TUBB8: variants seen among roughly 807,000 people sequenced by gnomAD.
TUBB8 encodes the protein tubulin beta 8 class VIII, also known as tubulin beta-8 chain.
A neutral mutation model predicts 33.7 loss-of-function variants in TUBB8; 25 were observed. The observed-to-expected ratio is 0.74, with a 90% confidence interval of 0.54 to 1.04. The LOEUF (loss-of-function observed/expected upper bound fraction) is 1.04. Ranked by LOEUF, TUBB8 falls within the 50% of genes least tolerant of loss-of-function variation. The probability of loss-of-function intolerance (pLI) is 0.00; values close to 1 mark genes in which losing one functional copy is unlikely to be tolerated. For missense variants in TUBB8, 279 were observed against 608.0 expected (o/e 0.46, Z 5.69); for synonymous variants, 245 against 240.1 (o/e 1.02, Z -0.19).
Position 48,614 on chromosome 10 carries a change from C to T in TUBB8, c.277+1G>A. The T allele has an allele frequency of 1.9e-6, 3 of 1,612,222 alleles. No individual in the cohort carries two copies. Among genetic ancestry groups the T allele is most frequent in the Non-Finnish European group, 2.5e-6 (3 of 1,179,610 alleles). Reference sequence around the variant, plus strand: ...CACCCCAGTCCTCGCCCGCAGCTCACCGAAGATGAAGTTGTCTGGCCTGAA... The same window carrying T: ...CACCCCAGTCCTCGCCCGCAGCTCATCGAAGATGAAGTTGTCTGGCCTGAA... On this transcript the variant is annotated splice_donor_variant, in intron 3 of 3. Transcript: ENST00000568584. LOFTEE classifies it high-confidence loss of function.
intron 1 of TUBB8, among the ~76,000 whole-genome samples, chr10:63,897 C>T (rs1364543121): frequency 6.6e-6 from 1 of 152,126 alleles, no homozygotes; most frequent in East Asian, 1.9e-4. Flanking sequence ...TTATTGTAGT[C>T]TTCACAGTCT....
At chr10:57,456 C>A (rs1588276601) in intron 1 of TUBB8, among the ~76,000 whole-genome samples, 1 of 152,216 alleles carries the variant, frequency 6.6e-6, no homozygotes, top group East Asian at 1.9e-4. Flanking sequence ...TGCCTGCACA[C>A]CCTGGCTTTT....
At chr10:64,876 C>G (rs1554741358) in intron 1 of TUBB8, among the ~76,000 whole-genome samples, 5 of 151,628 alleles carry the variant, frequency 3.3e-5, no homozygotes, top group Non-Finnish European at 7.4e-5. Context: ...GTGGCTCCTG[C>G]CTATAATCAC....
downstream of TUBB8, among the ~76,000 whole-genome samples, chr10:46,657 T>C (rs1323984835): frequency 6.6e-6 from 1 of 151,486 alleles, no homozygotes; most frequent in African/African-American, 2.4e-5. Flanking sequence ...AGCCAAGGCT[T>C]GCCTTCAGCA....
At position 48,110 on chromosome 10, in the gene TUBB8, C is replaced by A; in HGVS notation, c.282G>T (p.Gln94His). The stretch of plus-strand genomic sequence containing the variant: ...TGGCCCAGTTGTTTCCGGCCCCACA[C>A]TGACCTGTAAGACAGCACAGCCGGT... Reference protein sequence around the residue: ...VFRPDNFIFGQCGAGNNWAKG... With the variant: ...VFRPDNFIFGHCGAGNNWAKG... The change falls in exon 4 of 4, where the codon CAG becomes CAT. Residue 94 changes from glutamine to histidine, a missense_variant. Around this residue, in one of 4 missense-constraint regions of TUBB8, gnomAD observed 96 missense variants for 233.7 expected, o/e 0.41. Coordinates refer to ENST00000568584, the MANE Select transcript of TUBB8 (RefSeq NM_177987.3). 5.6e-6 allele frequency: 9 copies of A among 1,613,016 alleles called. No individual in the cohort carries two copies. The highest frequency in any genetic ancestry group is 1.7e-4 in the Middle Eastern group (1 of 5,774).
upstream of TUBB8, among the ~76,000 whole-genome samples, chr10:52,824 C>T (rs1399423501): frequency 6.6e-6 from 1 of 152,220 alleles, no homozygotes; most frequent in East Asian, 1.9e-4. Context: ...CTTGTGAGTA[C>T]CTAGCTACTC....
intron 1 of TUBB8, among the ~76,000 whole-genome samples, chr10:73,580 T>A (rs1306588507): frequency 6.6e-6 from 1 of 150,898 alleles, no homozygotes; most frequent in Non-Finnish European, 1.5e-5. Context: ...GAGGCGGAGG[T>A]TGCAGTGAGC....
At chr10:55,794 G>C (rs1273013871) in intron 1 of TUBB8, among the ~76,000 whole-genome samples, 3 of 152,200 alleles carry the variant, frequency 2.0e-5, no homozygotes, top group Middle Eastern at 3.2e-3. Context: ...AATAAGTTTA[G>C]TTTAGCTGTA....
chr10:57,207 A>G (rs1554740232), intron 1 of TUBB8, among the ~76,000 whole-genome samples: 4 of 152,298 alleles, frequency 2.6e-5, no homozygotes, highest in African/African-American at 9.6e-5. Flanking sequence ...AGCTGCTCTC[A>G]TGGGCTGGTA....
upstream of TUBB8, chr10:49,503 C>T (rs1303832018): frequency 1.3e-5 from 9 of 667,242 alleles, no homozygotes; most frequent in African/African-American, 3.5e-5. Flanking sequence ...GGAGAACTTC[C>T]TCCCGCGTCT....
At chr10:54,081 A>C (rs1460351921), upstream of TUBB8, among the ~76,000 whole-genome samples, 7 of 148,440 alleles carry the variant, frequency 4.7e-5, no homozygotes, top group Non-Finnish European at 7.4e-5. Context: ...AAAATGTATA[A>C]ATTATTTTTT....
intron 1 of TUBB8, among the ~76,000 whole-genome samples, chr10:70,832 A>G (rs1236619179): frequency 6.6e-6 from 1 of 152,182 alleles, no homozygotes; most frequent in African/African-American, 2.4e-5. Flanking sequence ...GACAGAGCAG[A>G]ACCCCGTCTC....
At chr10:52,575 T>G (rs1416293970), upstream of TUBB8, among the ~76,000 whole-genome samples, 1 of 152,240 alleles carries the variant, frequency 6.6e-6, no homozygotes, top group African/African-American at 2.4e-5. Flanking sequence ...ACTTGGAAGG[T>G]GCAGATGTAC....
intron 1 of TUBB8, among the ~76,000 whole-genome samples, chr10:66,386 C>T (rs147170127): frequency 0.15 from 18,107 of 117,842 alleles, no homozygotes; most frequent in African/African-American, 0.29. Flanking sequence ...TGGTGGCCCA[C>T]ACCTGTAATA....
At position 47,213 on chromosome 10, in the gene TUBB8, G is replaced by C. The variant is rs782494489; in HGVS notation, c.1179C>G (p.Ala393=). The C allele has an allele frequency of 6.2e-7, 1 of 1,613,106 alleles. No individual in the cohort carries two copies. The highest frequency in any genetic ancestry group is 8.5e-7 in the Non-Finnish European group (1 of 1,179,876). ...EQFTAMFRRK[A]FLHWYTGEGM... is the part of the protein sequence containing the mutation. The stretch of plus-strand genomic sequence containing the variant: ...CCTCGCCCGTGTACCAGTGGAGGAA[G>C]GCCTTGCGCCTGAACATTGCTGTAA... The change falls in exon 4 of 4, where the codon GCC becomes GCG. Residue 393 remains alanine, a synonymous_variant. Coordinates refer to ENST00000568584, the MANE Select transcript of TUBB8 (RefSeq NM_177987.3).
chr10:63,224 C>T (rs1554741126), intron 1 of TUBB8, among the ~76,000 whole-genome samples: 1 of 152,170 alleles, frequency 6.6e-6, no homozygotes, highest in African/African-American at 2.4e-5. Context: ...CAGGTACCCA[C>T]CACCGCGCCC....
At chr10:69,009 C>A (rs536570434) in intron 1 of TUBB8, among the ~76,000 whole-genome samples, 7 of 152,376 alleles carry the variant, frequency 4.6e-5, no homozygotes, top group African/African-American at 1.7e-4. Context: ...ACACCTCAGC[C>A]CAATGCTTGC....
Position 49,118 on chromosome 10 carries a change from T to C in TUBB8, c.57+64A>G, listed in dbSNP as rs1834424876. The stretch of plus-strand genomic sequence containing the variant: ...AATGCATGGGCACCGCCCCCGCCAC[T>C]GCCAACACCTTCCCCGGCCACCCGG... On this transcript the variant is annotated intron_variant, in intron 1 of 3. Transcript: ENST00000568584. 11 of 1,514,640 alleles carry C rather than the reference T, an allele frequency of 7.3e-6. No homozygotes were observed. In the Admixed American group the frequency reaches 2.3e-4, roughly 31 times the overall value. 93.8% of individuals were successfully genotyped at this position (1,514,640 alleles called of 1,614,324 possible).
chr10:49,306 C>T (rs566191947), upstream of TUBB8: 215 of 1,505,862 alleles, frequency 1.4e-4, 1 homozygote, highest in South Asian at 1.1e-3. Context: ...CGACCCAGCC[C>T]GCCCTCCGCC....
Sources: gnomAD v4.1 joint callset for allele counts (sites outside exome capture counted in the v4.1 genomes callset) on GRCh38, gnomAD v4.1.1 for gene constraint, gnomAD v4.1.1 regional missense constraint, MANE v1.5 for transcripts, NCBI Gene and HGNC (gene_info 2026-07-23, HGNC 2026-07-21) for gene names.